The following MYCBPAP variants were observed in gnomAD, a reference collection of about 807,000 sequenced individuals.
MYCBPAP encodes MYCBP associated protein, also known as MYCBP-associated protein.
A neutral mutation model predicts 106.1 loss-of-function variants in MYCBPAP; 60 were observed. That is an observed-to-expected ratio of 0.57 (90% confidence interval 0.46 to 0.70). MYCBPAP has a LOEUF of 0.70. Ranked by LOEUF, MYCBPAP falls within the 30% of genes least tolerant of loss-of-function variation. The pLI, the probability that MYCBPAP is intolerant of heterozygous loss-of-function variation, is 0.00. For missense variants in MYCBPAP, 1,064 were observed against 1,169.3 expected, an observed-to-expected ratio of 0.91 and a Z score of 1.31; for synonymous variants, 407 against 440.6, an observed-to-expected ratio of 0.92 and a Z score of 0.95.
At chr17:50,508,113 G>A (rs1348981214), upstream of MYCBPAP, among the ~76,000 whole-genome samples, 3 of 147,774 alleles carry the variant, frequency 2.0e-5, no homozygotes, top group East Asian at 2.0e-4. Context: ...ACGCCACGAA[G>A]GGGTTTCAGC....
chr17:50,515,636 G>GT (rs1281759518), intron 1 of MYCBPAP, among the ~76,000 whole-genome samples: 7 of 152,280 alleles, frequency 4.6e-5, no homozygotes, highest in African/African-American at 1.7e-4. Flanking sequence ...CCATGCAGTA[G>GT]TCAGGAAGCT....
chr17:50,513,570 C>T (rs375357955), intron 1 of MYCBPAP, among the ~76,000 whole-genome samples: 15 of 152,320 alleles, frequency 9.8e-5, no homozygotes, highest in African/African-American at 3.6e-4. Context: ...ATTAGCTTCT[C>T]TATCACTGAA....
intron 1 of MYCBPAP, among the ~76,000 whole-genome samples, chr17:50,513,384 C>T (rs1040828572): frequency 1.7e-5 from 2 of 119,124 alleles, no homozygotes; most frequent in African/African-American, 1.0e-4. Flanking sequence ...GAGACTCCAT[C>T]TCAAGAAAAA....
At chr17:50,514,171 A>C (rs888121234) in intron 1 of MYCBPAP, among the ~76,000 whole-genome samples, 1 of 152,216 alleles carries the variant, frequency 6.6e-6, no homozygotes, top group Non-Finnish European at 1.5e-5. Flanking sequence ...TTACAAGCGT[A>C]AGCCACTGCA....
Position 50,508,623 on chromosome 17 carries a change from G to T in MYCBPAP, c.-52G>T, listed in dbSNP as rs764201681. 1.1e-5 allele frequency: 18 copies of T among 1,567,128 alleles called. No individual in the cohort carries two copies. The highest frequency in any genetic ancestry group is 1.5e-5 in the Non-Finnish European group (17 of 1,154,606). ...GGCTGGCGGGTGCGGCGCAGCCTCG[G>T]TGTCTCTGGGCCGGCGGTGCAGGGC... On this transcript the variant is annotated 5_prime_UTR_variant, in exon 1 of 19. Coordinates refer to ENST00000323776, the MANE Select transcript of MYCBPAP (RefSeq NM_032133.6).
rs371870449 is a variant in MYCBPAP at position 50,531,433 on chromosome 17, C to T, written c.*5C>T. 58 of 1,594,046 alleles carry T rather than the reference C, an allele frequency of 3.6e-5. No individual in the cohort carries two copies. Among genetic ancestry groups the T allele is most frequent in the East Asian group, 1.1e-4 (5 of 44,142 alleles). On this transcript the variant is annotated 3_prime_UTR_variant, in exon 19 of 19. Transcript: ENST00000323776. The stretch of plus-strand genomic sequence containing the variant: ...GCTTTGCGCCTCTGCAGGTGACTCT[C>T]GGGCCCAAGCAACCTTCTGGAAAAC...
intron 9 of MYCBPAP, 120 bp downstream of exon 9, chr17:50,521,551 G>A (rs562538751): frequency 9.4e-6 from 7 of 742,164 alleles, no homozygotes; most frequent in African/African-American, 1.7e-5. Context: ...CTGTCCAGTG[G>A]TTGCCACCCA....
intron 10 of MYCBPAP, 69 bp from the exon 11 acceptor site, chr17:50,522,870 G>C: frequency 6.6e-7 from 1 of 1,507,516 alleles, no homozygotes; most frequent in Non-Finnish European, 9.0e-7. Flanking sequence ...GTCCTGGGCA[G>C]ACCAGATGAG....
Position 50,529,205 on chromosome 17 carries a change from A to G in MYCBPAP, c.2724+17A>G. 2 of 1,603,120 alleles carry G rather than the reference A, an allele frequency of 1.2e-6. No homozygotes were observed. The highest frequency in any genetic ancestry group is 2.2e-5 in the South Asian group (2 of 90,282). Reference sequence around the variant, plus strand: ...CACAGTGAGGTGAAGGGAAGCGCCCAGCAGCCATTCCCCTGCCTCCCACCT... The same window carrying G: ...CACAGTGAGGTGAAGGGAAGCGCCCGGCAGCCATTCCCCTGCCTCCCACCT... On this transcript the variant is annotated intron_variant, in intron 18 of 18. Coordinates refer to ENST00000323776, the MANE Select transcript of MYCBPAP (RefSeq NM_032133.6).
chr17:50,522,709 A>AAAATATATATATATATATAT, intron 10 of MYCBPAP: 7 of 50,016 alleles, frequency 1.4e-4, no homozygotes, highest in African/African-American at 8.4e-4. Context: ...AAAAAAAAAA[A>AAAATATATATATATATATAT]ATATATATAT....
rs1325560245 is a variant in MYCBPAP at position 50,528,790 on chromosome 17, G to A, written c.2503G>A (p.Gly835Arg). The change falls in exon 17 of 19, where the codon GGG becomes AGG. Residue 835 changes from glycine to arginine, a missense_variant. Coordinates refer to ENST00000323776, the MANE Select transcript of MYCBPAP (RefSeq NM_032133.6). ...KGAAQEKKQL[G>R]IKDKEDKKGA... ...AGCAGCCCAGGAAAAGAAGCAACTG[G>A]GGATCAAAGACAAAGAAGACAAGAA... 6.2e-7 allele frequency: 1 copy of A among 1,614,076 alleles called. No homozygotes were observed. The highest frequency in any genetic ancestry group is 2.2e-5 in the East Asian group (1 of 44,878).
At chr17:50,510,756 A>G (rs2143887392) in intron 1 of MYCBPAP, among the ~76,000 whole-genome samples, 1 of 147,172 alleles carries the variant, frequency 6.8e-6, no homozygotes, top group Admixed American at 6.8e-5. Context: ...CCTGGGCTCA[A>G]GCGATCCTCC....
rs561941224 is a variant in MYCBPAP, at chr17:50,513,115, G to A, written c.77-3455G>A. On this transcript the variant is annotated intron_variant, in intron 1 of 18. Coordinates refer to ENST00000323776, the MANE Select transcript of MYCBPAP (RefSeq NM_032133.6). ...TGCCTGTAATCCCAACTACTTGGGA[G>A]GCTGAGGCAGGAGAATCGCTTGAAC... Among the ~76,000 whole-genome samples the A allele has an allele frequency of 9.2e-5, 14 of 152,030 alleles. 1 individual carries two copies. In the South Asian group the frequency reaches 2.1e-3, roughly 23 times the overall value.
chr17:50,518,279 A>C (rs1331340877), intron 4 of MYCBPAP, among the ~76,000 whole-genome samples: 1 of 152,248 alleles, frequency 6.6e-6, no homozygotes, highest in East Asian at 1.9e-4. Flanking sequence ...AATCAACATC[A>C]GTTGTGAGGA....
Position 50,519,541 on chromosome 17 carries a change from G to A in MYCBPAP, c.769-99G>A. On this transcript the variant is annotated intron_variant, in intron 6 of 18. Transcript: ENST00000323776. ...GGCAGCAATGAATTCCCCAGAGGAAGCATCTGTAGCCTGTGGTGGTGCTCT... is the reference window on the plus strand; with the variant it reads ...GGCAGCAATGAATTCCCCAGAGGAAACATCTGTAGCCTGTGGTGGTGCTCT... 4.4e-6 allele frequency: 6 copies of A among 1,379,288 alleles called. No homozygotes were observed. The South Asian group carries it at 8.0e-5, about 18-fold the overall frequency. 85.4% of individuals were successfully genotyped at this position (1,379,288 alleles called of 1,614,324 possible).
chr17:50,528,932 G>A (rs2034547919), intron 17 of MYCBPAP, 86 bp from the exon 18 acceptor site: 1 of 1,597,326 alleles, frequency 6.3e-7, no homozygotes, highest in Non-Finnish European at 8.5e-7. Context: ...CATGTGCCCA[G>A]GCTCTCCCAG....
chr17:50,530,505 A>AAAAAAAAAAAAAAAG, intron 18 of MYCBPAP, among the ~76,000 whole-genome samples: 1 of 150,994 alleles, frequency 6.6e-6, no homozygotes, highest in African/African-American at 2.4e-5. Flanking sequence ...TCCAAAAAAA[A>AAAAAAAAAAAAAAAG]AGAATCAACT....
chr17:50,519,956 C>T (rs2034199990), intron 7 of MYCBPAP, 169 bp downstream of exon 7: 6 of 676,474 alleles, frequency 8.9e-6, no homozygotes, highest in Non-Finnish European at 1.4e-5. Flanking sequence ...CCGGCTCCCT[C>T]TTCTTTTTCT....
chr17:50,527,936 C>T (rs562569962), intron 15 of MYCBPAP, among the ~76,000 whole-genome samples: 1 of 152,310 alleles, frequency 6.6e-6, no homozygotes, highest in South Asian at 2.1e-4. Context: ...TAACCCTAGT[C>T]CTGGGCCATT....
Sources: gnomAD v4.1 joint callset for allele counts (sites outside exome capture counted in the v4.1 genomes callset) on GRCh38, gnomAD v4.1.1 for gene constraint, MANE v1.5 for transcripts, NCBI Gene and HGNC (gene_info 2026-07-23, HGNC 2026-07-21) for gene names.